Variants in GOLGA1 observed in about 807,000 individuals in gnomAD.
GOLGA1 encodes golgin A1, also known as golgin subfamily A member 1.
In GOLGA1, 63 loss-of-function variants were observed where a neutral mutation model predicts 119.7. That is an observed-to-expected ratio of 0.53 (90% CI 0.43 to 0.65). GOLGA1 has a LOEUF of 0.65. Among genes scored for constraint, GOLGA1 ranks in the 30% least tolerant of loss-of-function variants. The probability of loss-of-function intolerance (pLI) is 0.00; values close to 1 mark genes in which losing one functional copy is unlikely to be tolerated. For missense variants in GOLGA1, 798 were observed against 912.8 expected, an observed-to-expected ratio of 0.87 and a Z score of 1.62; for synonymous variants, 318 against 333.4, an observed-to-expected ratio of 0.95 and a Z score of 0.50.
intron 4 of GOLGA1, 53 bp downstream of exon 4, chr9:124,931,263 G>C (rs1830765747): frequency 2.4e-6 from 2 of 839,704 alleles, no homozygotes; most frequent in Admixed American, 3.4e-5. Context: ...TAGGAAGAGA[G>C]TCAAGCAAGG....
chr9:124,921,771 T>G lies in GOLGA1; in HGVS notation c.683A>C (p.Gln228Pro). 6.2e-7 allele frequency: 1 copy of G among 1,614,044 alleles called. No individual in the cohort carries two copies. The highest frequency in any genetic ancestry group is 8.5e-7 in the Non-Finnish European group (1 of 1,179,852). Reference sequence around the variant, plus strand: ...GTGTCTCTGCAATTCTTCTAGCTTCTGGCTTAAGTCTGATGACATCTGATT... The same window carrying G: ...GTGTCTCTGCAATTCTTCTAGCTTCGGGCTTAAGTCTGATGACATCTGATT... ...NSNQMSSDLS[Q>P]KLEELQRHYS... Residue 228 changes from glutamine to proline, a missense_variant, in exon 9 of 23, where the codon CAG becomes CCG. By Grantham distance (76) the Gln-to-Pro change is moderately conservative (BLOSUM62 -1). Coordinates refer to ENST00000373555, the MANE Select transcript of GOLGA1 (RefSeq NM_002077.4).
chr9:124,947,065 A>G (rs1273301595), intron 1 of GOLGA1: 1 of 152,194 alleles, frequency 6.6e-6, no homozygotes, highest in Non-Finnish European at 1.5e-5. Context: ...CACATAAAAC[A>G]CTGATGAAAA....
At chr9:124,894,829 C>T (rs1829927604) in intron 15 of GOLGA1, among the ~76,000 whole-genome samples, 1 of 152,164 alleles carries the variant, frequency 6.6e-6, no homozygotes, top group African/African-American at 2.4e-5. Flanking sequence ...TGCTCCTAAG[C>T]ATCTTATCAT....
At position 124,921,233 on chromosome 9, in the gene GOLGA1, C is replaced by T. The variant is rs2131487524; in HGVS notation, c.739G>A (p.Val247Met). The T allele has an allele frequency of 6.3e-7, 1 of 1,594,460 alleles. No individual in the cohort carries two copies. Among genetic ancestry groups the T allele is most frequent in the South Asian group, 1.1e-5 (1 of 90,722 alleles). Residue 247 changes from valine to methionine, a missense_variant, in exon 10 of 23, where the codon GTG (valine) becomes ATG (methionine). Transcript: ENST00000373555. ...TCTGCACCTGTTTTTGAAGCTATCACATGATCTCTTCATCAAAAGAAAGCA... is the reference window on the plus strand; with the variant it reads ...TCTGCACCTGTTTTTGAAGCTATCATATGATCTCTTCATCAAAAGAAAGCA... ...YSTLEEQRDH[V>M]IASKTGAESK...
In GOLGA1 at chr9:124,928,260, C is replaced by A. The variant is rs761260408; in HGVS notation, c.327G>T (p.Gln109His). ...CTCTGTTGGCTTGGAATGTCTCATT[C>A]TGCTCTTGAAATTTCCGCATGGAAG... The part of the protein sequence containing the change: ...QDSSMRKFQE[Q>H]NETFQANRAK... Residue 109 changes from glutamine to histidine, a missense_variant, in exon 6 of 23, where the codon CAG (glutamine) becomes CAT (histidine). By Grantham distance (24) the Gln-to-His change is conservative. Coordinates refer to ENST00000373555, the MANE Select transcript of GOLGA1 (RefSeq NM_002077.4). 1.9e-6 allele frequency: 3 copies of A among 1,604,302 alleles called. No homozygotes were observed. Among genetic ancestry groups the A allele is most frequent in the Non-Finnish European group, 2.6e-6 (3 of 1,172,188 alleles).
At chr9:124,898,699 G>C (rs1482390179) in intron 14 of GOLGA1, 55 bp from the exon 15 acceptor site, 6 of 1,022,348 alleles carry the variant, frequency 5.9e-6, no homozygotes, top group Admixed American at 1.8e-5. Flanking sequence ...TATTTCCCTG[G>C]GCACAGGGAG....
chr9:124,935,147 G>A (rs542952975), intron 3 of GOLGA1, among the ~76,000 whole-genome samples: 1 of 152,278 alleles, frequency 6.6e-6, no homozygotes, highest in African/African-American at 2.4e-5. Context: ...AGTATAGGTT[G>A]AGTATCTCTT....
intron 14 of GOLGA1, among the ~76,000 whole-genome samples, 199 bp from the exon 15 acceptor site, chr9:124,898,843 T>C (rs920724701): frequency 1.3e-5 from 2 of 152,186 alleles, no homozygotes; most frequent in Non-Finnish European, 2.9e-5. Context: ...ATCTGTTTTG[T>C]TTTATAAAAA....
At chr9:124,938,069 C>T (rs1830912752) in intron 3 of GOLGA1, among the ~76,000 whole-genome samples, 2 of 137,556 alleles carry the variant, frequency 1.5e-5, no homozygotes, top group Admixed American at 1.6e-4. Flanking sequence ...GGCTACAGAG[C>T]GAGAATCCAT....
At chr9:124,940,299 T>C (rs1813868639) in intron 1 of GOLGA1, 144 bp from the exon 2 acceptor site, 1 of 152,248 alleles carries the variant, frequency 6.6e-6, no homozygotes, top group South Asian at 2.1e-4. Context: ...GTCACAACTC[T>C]CAATGGGATA....
Position 124,899,311 on chromosome 9 carries a change from T to C in GOLGA1, c.1311+18A>G. ...CCCTGGTGCTCCTGGGCCCACCCTCTCTTAGCTCTTCACTCACCATCCCTT... is the reference window on the plus strand; with the variant it reads ...CCCTGGTGCTCCTGGGCCCACCCTCCCTTAGCTCTTCACTCACCATCCCTT... On this transcript the variant is annotated intron_variant, in intron 14 of 22. Transcript: ENST00000373555. The C allele has an allele frequency of 6.5e-7, 1 of 1,538,380 alleles. No individual in the cohort carries two copies. The highest frequency in any genetic ancestry group is 8.8e-7 in the Non-Finnish European group (1 of 1,138,734).
chr9:124,922,669 G>C (rs1407652286), intron 8 of GOLGA1, among the ~76,000 whole-genome samples: 1 of 151,716 alleles, frequency 6.6e-6, no homozygotes, highest in East Asian at 1.9e-4. Flanking sequence ...GGAGGCTAAA[G>C]TGGGAGGACA....
chr9:124,916,877 C>CAAAAAAAAAAAA (rs71494043), intron 10 of GOLGA1, among the ~76,000 whole-genome samples: 1 of 41,216 alleles, frequency 2.4e-5, no homozygotes, highest in Non-Finnish European at 4.1e-5. Context: ...CCCTGACACA[C>CAAAAAAAAAAAA]AAAAAAAAAA....
chr9:124,931,050 T>C (rs1165601777), intron 4 of GOLGA1, among the ~76,000 whole-genome samples: 1 of 152,164 alleles, frequency 6.6e-6, no homozygotes, highest in Non-Finnish European at 1.5e-5. Flanking sequence ...GTCAAATCTA[T>C]TGTACATATA....
chr9:124,902,856 T>C (rs529735270), intron 12 of GOLGA1, among the ~76,000 whole-genome samples: 2 of 152,110 alleles, frequency 1.3e-5, no homozygotes, highest in Admixed American at 1.3e-4. Context: ...ACCGAAACAA[T>C]CCCATGAGAA....
chr9:124,914,455 C>G (rs1245966418), intron 10 of GOLGA1, among the ~76,000 whole-genome samples: 1 of 151,942 alleles, frequency 6.6e-6, no homozygotes, highest in East Asian at 1.9e-4. Flanking sequence ...GAGCCAAGAT[C>G]GCGCCACTGC....
chr9:124,907,772 T>C (rs1830262909), intron 12 of GOLGA1, among the ~76,000 whole-genome samples: 1 of 152,172 alleles, frequency 6.6e-6, no homozygotes, highest in Non-Finnish European at 1.5e-5. Context: ...CTCAGTAAAC[T>C]GGCAAAAATT....
chr9:124,942,332 A>C (rs961061147), upstream of GOLGA1, among the ~76,000 whole-genome samples: 11 of 152,224 alleles, frequency 7.2e-5, no homozygotes, highest in African/African-American at 1.9e-4. Flanking sequence ...GTCAATGCCA[A>C]GCCAGCCATT....
intron 12 of GOLGA1, among the ~76,000 whole-genome samples, chr9:124,903,018 T>C (rs924653357): frequency 4.6e-5 from 7 of 152,152 alleles, no homozygotes; most frequent in Non-Finnish European, 8.8e-5. Context: ...TCAAGATAGA[T>C]TCAGATCTTC....
Sources: gnomAD v4.1 joint callset for allele counts (sites outside exome capture counted in the v4.1 genomes callset) on GRCh38, gnomAD v4.1.1 for gene constraint, MANE v1.5 for transcripts, NCBI Gene and HGNC (gene_info 2026-07-23, HGNC 2026-07-21) for gene names.